The following CFAP54 variants were observed in gnomAD, a reference collection of about 807,000 sequenced individuals.
CFAP54 encodes cilia- and flagella-associated protein 54.
Under a neutral mutation model 370.4 loss-of-function variants are expected in CFAP54, and 290 were observed. The ratio of observed to expected loss-of-function variants is 0.78; its 90% CI spans 0.71 to 0.86. The LOEUF (loss-of-function observed/expected upper bound fraction) is 0.86, where lower values mean the gene tolerates loss of function less well. Ranked by LOEUF, CFAP54 falls within the 40% of genes least tolerant of loss-of-function variation. CFAP54 has a pLI of 0.00. For synonymous variants in CFAP54, 1,206 were observed against 1,236.5 expected, an observed-to-expected ratio of 0.98 and a Z score of 0.52; for missense variants, 3,399 against 3,528.7, an observed-to-expected ratio of 0.96 and a Z score of 0.93.
Position 96,630,178 on chromosome 12 carries a change from A to G in CFAP54, c.4189A>G (p.Lys1397Glu). ...NKKANKSLKF[K>E]AAVMEIGRSA... is the part of the protein sequence containing the mutation. ...AAAAGCAAACAAATCTTTAAAGTTC[A>G]AAGCTGCAGTAATGGAAATTGGAAG... The change falls in exon 31 of 68, where the codon AAA becomes GAA. Residue 1397 changes from lysine (K) to glutamate (E), a missense_variant. This residue lies in a region of CFAP54 where 2,796 missense variants were observed against 2,869.7 expected (regional missense o/e 0.97). Transcript: ENST00000524981. The G allele has an allele frequency of 6.7e-7, 1 of 1,498,418 alleles. No homozygotes were observed. Among genetic ancestry groups the G allele is most frequent in the Non-Finnish European group, 8.9e-7 (1 of 1,119,078 alleles). The allele number at this position is 1,498,418 out of a possible 1,614,324, so 92.8% of individuals were successfully genotyped here.
chr12:96,554,208 T>C lies in CFAP54; in HGVS notation c.2181T>C (p.Phe727=). 1 of 1,514,960 alleles carries C rather than the reference T, an allele frequency of 6.6e-7. No individual in the cohort carries two copies. The highest frequency in any genetic ancestry group is 1.3e-5 in the South Asian group (1 of 78,664). The allele number at this position is 1,514,960 out of a possible 1,614,324, so 93.8% of individuals were successfully genotyped here. The change falls in exon 16 of 68, where the codon TTT becomes TTC. Residue 727 remains phenylalanine (F), a synonymous_variant. Transcript: ENST00000524981. ...LQKNPVEQLL[F]AYKLLDRAIG... ...AAAATCCTGTGGAACAGTTACTTTT[T>C]GCTTATAAACTTCTTGACAGAGCAA...
Position 96,700,055 on chromosome 12 carries a change from C to T in CFAP54, c.6436C>T (p.Pro2146Ser), listed in dbSNP as rs1360067739. The T allele has an allele frequency of 1.2e-6, 2 of 1,609,390 alleles. No individual in the cohort carries two copies. ...TTTCTATGGAAAAAACATGCCTTGT[C>T]CAATACCTGCAGGCTATAAAGCCAC... ...QIFYGKNMPCPIPAGYKATGK... is the reference protein window; with the variant it reads ...QIFYGKNMPCSIPAGYKATGK... Residue 2146 changes from proline (P) to serine (S), a missense_variant, in exon 46 of 68, where the codon CCA becomes TCA. Physicochemically the swap from Pro to Ser is moderately conservative, Grantham distance 74. Coordinates refer to ENST00000524981, the MANE Select transcript of CFAP54 (RefSeq NM_001306084.2).
At chr12:96,504,939 CTCTT>C (rs201796151) in intron 3 of CFAP54, among the ~76,000 whole-genome samples, 2,868 of 150,792 alleles carry the variant, frequency 0.019, 74 homozygotes, top group East Asian at 0.053. Flanking sequence ...TTCTTTCTTC[CTCTT>C]TCTTTCTTTT....
chr12:96,627,841 C>G (rs1413692561), intron 30 of CFAP54, among the ~76,000 whole-genome samples: 7 of 151,980 alleles, frequency 4.6e-5, no homozygotes, highest in Admixed American at 4.6e-4. Context: ...CAAAGAAAAA[C>G]AGAAGATACT....
At chr12:96,733,345 A>T (rs554109572) in intron 50 of CFAP54, among the ~76,000 whole-genome samples, 3 of 152,276 alleles carry the variant, frequency 2.0e-5, no homozygotes, top group Non-Finnish European at 2.9e-5. Context: ...ACATTTCATG[A>T]TACTTCTAAT....
At chr12:96,491,106 ATTACAGG>A (rs1054149842) in intron 1 of CFAP54, among the ~76,000 whole-genome samples, 82 of 152,146 alleles carry the variant, frequency 5.4e-4, no homozygotes, top group African/African-American at 1.9e-3. Context: ...AAAGTATTGG[ATTACAGG>A]CATGAGCTAC....
intron 26 of CFAP54, among the ~76,000 whole-genome samples, chr12:96,611,727 C>G (rs1030401294): frequency 6.6e-6 from 1 of 152,200 alleles, no homozygotes; most frequent in African/African-American, 2.4e-5. Context: ...GACACGAGAA[C>G]TACTGATGAA....
intron 15 of CFAP54, among the ~76,000 whole-genome samples, chr12:96,552,560 GTCT>G (rs1955707192): frequency 6.6e-6 from 1 of 152,106 alleles, no homozygotes; most frequent in Admixed American, 6.5e-5. Context: ...GGCCAGGCTG[GTCT>G]TGAACTCCTG....
chr12:96,543,148 A>G (rs1955596026), intron 14 of CFAP54, among the ~76,000 whole-genome samples: 1 of 152,232 alleles, frequency 6.6e-6, no homozygotes, highest in Non-Finnish European at 1.5e-5. Context: ...GGAGGCACAC[A>G]ATGCCTAGTT....
chr12:96,489,596 C>T lies in CFAP54; in HGVS notation c.-14C>T, dbSNP rs1168187493. The T allele has an allele frequency of 6.6e-7, 1 of 1,506,452 alleles. No individual in the cohort carries two copies. Among genetic ancestry groups the T allele is most frequent in the Non-Finnish European group, 8.9e-7 (1 of 1,127,772 alleles). The allele number at this position is 1,506,452 out of a possible 1,614,324, so 93.3% of individuals were successfully genotyped here. ...GCGTGTACACATACTCCAGGCGGGC[C>T]GGGGCGCGTCAATATGGCGGCGCAG... On this transcript the variant is annotated 5_prime_UTR_variant, in exon 1 of 68. Transcript: ENST00000524981.
chr12:96,792,517 A>G lies in CFAP54; in HGVS notation c.8850+18A>G, dbSNP rs967077709. On this transcript the variant is annotated intron_variant, in intron 63 of 67. Coordinates refer to ENST00000524981, the MANE Select transcript of CFAP54 (RefSeq NM_001306084.2). Reference sequence around the variant, plus strand: ...AACCTATGGTATGTAATGTACTTATAGAACTCAATATTTCATTTATATATA... The same window carrying G: ...AACCTATGGTATGTAATGTACTTATGGAACTCAATATTTCATTTATATATA... 6.7e-7 allele frequency: 1 copy of G among 1,499,370 alleles called. No homozygotes were observed. The highest frequency in any genetic ancestry group is 1.4e-5 in the African/African-American group (1 of 71,580). The allele number at this position is 1,499,370 out of a possible 1,614,324, so 92.9% of individuals were successfully genotyped here.
intron 66 of CFAP54, among the ~76,000 whole-genome samples, chr12:96,840,622 C>CTTTTTTTTTTTTTTTTTTTTTTT (rs1491169613): frequency 1.5e-5 from 1 of 67,026 alleles, no homozygotes; most frequent in African/African-American, 3.8e-5. Flanking sequence ...TTCTCTGTTT[C>CTTTTTTTTTTTTTTTTTTTTTTT]TTTCTTTTTT....
At chr12:96,869,524 G>T (rs972491131) in intron 67 of CFAP54, among the ~76,000 whole-genome samples, 1 of 152,136 alleles carries the variant, frequency 6.6e-6, no homozygotes, top group Admixed American at 6.5e-5. Flanking sequence ...GAGCTGAGTC[G>T]ATATGGGAAT....
intron 39 of CFAP54, among the ~76,000 whole-genome samples, chr12:96,673,777 G>A (rs1957173806): frequency 6.6e-6 from 1 of 152,176 alleles, no homozygotes; most frequent in Non-Finnish European, 1.5e-5. Flanking sequence ...TCGGCATAAT[G>A]GCATTTAGTG....
At chr12:96,866,922 T>A (rs1009816677) in intron 67 of CFAP54, among the ~76,000 whole-genome samples, 2 of 152,298 alleles carry the variant, frequency 1.3e-5, no homozygotes, top group East Asian at 3.9e-4. Context: ...ATTCCCTAAG[T>A]GTAACATAGA....
intron 47 of CFAP54, among the ~76,000 whole-genome samples, 199 bp from the exon 48 acceptor site, chr12:96,708,409 A>G (rs1957568672): frequency 6.6e-6 from 1 of 152,130 alleles, no homozygotes; most frequent in African/African-American, 2.4e-5. Flanking sequence ...TTGGTGGGGA[A>G]CAGCAGAAGC....
rs939308448 is a variant in CFAP54, at chr12:96,720,584, A to G, written c.6965+19A>G. The stretch of plus-strand genomic sequence containing the variant: ...CATACAGGTGCGTCTCTCCATGCAC[A>G]GGGGAGGGATACCTTTGAAGAGAGT... On this transcript the variant is annotated intron_variant, in intron 50 of 67. Coordinates refer to ENST00000524981, the MANE Select transcript of CFAP54 (RefSeq NM_001306084.2). The G allele has an allele frequency of 4.8e-6, 7 of 1,454,982 alleles. No homozygotes were observed. In the Admixed American group the frequency reaches 7.8e-5, roughly 16 times the overall value. The allele number at this position is 1,454,982 out of a possible 1,614,324, so 90.1% of individuals were successfully genotyped here. A position where few individuals can be genotyped will look rare whatever the true frequency, so the allele number is the denominator to read the frequency against.
intron 66 of CFAP54, among the ~76,000 whole-genome samples, chr12:96,859,516 C>T (rs2136461808): frequency 6.6e-6 from 1 of 152,242 alleles, no homozygotes; most frequent in East Asian, 1.9e-4. Context: ...AGCAATTCTC[C>T]TGCCTCAGCC....
intron 17 of CFAP54, among the ~76,000 whole-genome samples, chr12:96,555,719 TAA>T (rs1256197236): frequency 1.2e-4 from 18 of 151,716 alleles, no homozygotes; most frequent in Admixed American, 1.2e-3. Flanking sequence ...CAAAAAATTA[TAA>T]GACTTTACTG....
Sources: allele counts gnomAD v4.1 joint callset (sites outside exome capture counted in the v4.1 genomes callset), GRCh38; gene constraint gnomAD v4.1.1; regional missense constraint gnomAD v4.1.1; transcripts MANE v1.5; gene names NCBI Gene and HGNC (gene_info 2026-07-23, HGNC 2026-07-21).